Variants in ACVR1C observed in about 807,000 individuals in gnomAD.
The protein encoded by ACVR1C is activin receptor type-1C.
Under a neutral mutation model 57.9 loss-of-function variants are expected in ACVR1C, and 23 were observed. The ratio of observed to expected loss-of-function variants is 0.40; its 90% confidence interval spans 0.29 to 0.56. The LOEUF is 0.56. Among genes scored for constraint, ACVR1C ranks in the 20% least tolerant of loss-of-function variants. The pLI is 0.50. For synonymous variants in ACVR1C, 214 were observed against 215.3 expected (o/e 0.99, Z 0.05); for missense variants, 480 against 607.9 (o/e 0.79, Z 2.21).
intron 6 of ACVR1C, 71 bp from the exon 7 acceptor site, chr2:157,541,285 T>C: frequency 2.0e-6 from 3 of 1,475,640 alleles, no homozygotes; most frequent in Non-Finnish European, 2.7e-6. Context: ...TCTTAATAAA[T>C]TAAGATAGCT....
intron 6 of ACVR1C, among the ~76,000 whole-genome samples, chr2:157,542,211 T>C (rs1301962654): frequency 6.6e-6 from 1 of 152,124 alleles, no homozygotes; most frequent in African/African-American, 2.4e-5. Context: ...ATATAATATA[T>C]TTAAAGAATA....
chr2:157,535,147 A>G (rs1449688476), intron 8 of ACVR1C, among the ~76,000 whole-genome samples: 1 of 145,508 alleles, frequency 6.9e-6, no homozygotes, highest in East Asian at 1.9e-4. Context: ...TCTGTCCAAA[A>G]AAAAAAAAAA....
At chr2:157,595,164 T>C (rs1180578019) in intron 1 of ACVR1C, among the ~76,000 whole-genome samples, 1 of 152,190 alleles carries the variant, frequency 6.6e-6, no homozygotes, top group Non-Finnish European at 1.5e-5. Flanking sequence ...CACGACAAAA[T>C]TATTTGTGTG....
chr2:157,535,633 G>A (rs1412639403), intron 8 of ACVR1C, among the ~76,000 whole-genome samples: 1 of 152,048 alleles, frequency 6.6e-6, no homozygotes, highest in African/African-American at 2.4e-5. Flanking sequence ...TTTGAGACCA[G>A]CCTGGCCAAC....
intron 2 of ACVR1C, among the ~76,000 whole-genome samples, chr2:157,560,765 C>G (rs574847640): frequency 5.3e-5 from 8 of 152,298 alleles, no homozygotes; most frequent in African/African-American, 1.9e-4. Flanking sequence ...CTATTTCTCC[C>G]CAGTTTGCAA....
chr2:157,615,109 T>C (rs1447563940), intron 1 of ACVR1C, among the ~76,000 whole-genome samples: 1 of 152,122 alleles, frequency 6.6e-6, no homozygotes, highest in Non-Finnish European at 1.5e-5. Context: ...TAATTGAATA[T>C]TTTTATTCCA....
intron 8 of ACVR1C, among the ~76,000 whole-genome samples, chr2:157,534,822 T>C (rs372396284): frequency 1.3e-5 from 2 of 152,158 alleles, no homozygotes; most frequent in South Asian, 2.1e-4. Context: ...ATGGATCGCA[T>C]GTAATAGAGA....
intron 1 of ACVR1C, chr2:157,597,259 C>T (rs1682149450): frequency 7.4e-6 from 6 of 815,456 alleles, no homozygotes; most frequent in Non-Finnish European, 8.9e-6. Context: ...GGTTTGGTAA[C>T]ACTCACTGCC....
chr2:157,620,970 G>GA lies in ACVR1C; in HGVS notation c.73+7601dup, dbSNP rs1172010942. 4.6e-5 allele frequency among the ~76,000 whole-genome samples: 7 copies of GA among 152,256 alleles called. No homozygotes were observed. In the South Asian group the frequency reaches 1.5e-3, roughly 32 times the overall value. ...ATAACAACGACAAAATAGATTGGGA[G>GA]AAAATGTGTGTTTCACTTTCAAAAT... On this transcript the variant is annotated intron_variant, in intron 1 of 8. Coordinates refer to ENST00000243349, the MANE Select transcript of ACVR1C (RefSeq NM_145259.3).
intron 2 of ACVR1C, among the ~76,000 whole-genome samples, chr2:157,580,054 C>T (rs1688750989): frequency 6.6e-6 from 1 of 151,856 alleles, no homozygotes; most frequent in Non-Finnish European, 1.5e-5. Flanking sequence ...CCCCAACCCC[C>T]GTCTTGCAAT....
intron 2 of ACVR1C, among the ~76,000 whole-genome samples, chr2:157,560,413 G>T (rs774239535): frequency 6.6e-5 from 10 of 152,220 alleles, no homozygotes; most frequent in Non-Finnish European, 1.2e-4. Context: ...GATGAATCCT[G>T]AGTGGTAAAC....
rs548663940 is a variant in ACVR1C at position 157,533,331 on chromosome 2, G to C, written c.*587C>G. 6.6e-6 allele frequency: 1 copy of C among 152,470 alleles called. No homozygotes were observed. The highest frequency in any genetic ancestry group is 2.1e-4 in the South Asian group (1 of 4,818). The allele number at this position is 152,470 out of a possible 1,614,324, so 9.4% of individuals were successfully genotyped here. A position where few individuals can be genotyped will look rare whatever the true frequency, so the allele number is the denominator to read the frequency against. On this transcript the variant is annotated 3_prime_UTR_variant, in exon 9 of 9. Coordinates refer to ENST00000243349, the MANE Select transcript of ACVR1C (RefSeq NM_145259.3). The stretch of plus-strand genomic sequence containing the variant: ...TGCAGTAGTGGATTATGAAGAACAG[G>C]AGAACAGCAGAAGGGGAGACCAAGC...
intron 1 of ACVR1C, among the ~76,000 whole-genome samples, chr2:157,590,665 C>T (rs6437107): frequency 0.28 from 42,297 of 151,724 alleles, 6,187 homozygotes; most frequent in Non-Finnish European, 0.32. Flanking sequence ...TTATGTGATA[C>T]AGAAGAACCA....
intron 1 of ACVR1C, among the ~76,000 whole-genome samples, chr2:157,618,589 T>G (rs1384011365): frequency 6.6e-6 from 1 of 151,670 alleles, no homozygotes; most frequent in African/African-American, 2.4e-5. Flanking sequence ...GAGTTAAGCA[T>G]AAGAGAATGG....
At position 157,533,793 on chromosome 2, in the gene ACVR1C, G is replaced by T; in HGVS notation, c.*125C>A. ...GTTATCTTTTCATGCTGCCTTATGGGCACTTAAATACTGTACTGTCTTATC... is the reference window on the plus strand; with the variant it reads ...GTTATCTTTTCATGCTGCCTTATGGTCACTTAAATACTGTACTGTCTTATC... On this transcript the variant is annotated 3_prime_UTR_variant, in exon 9 of 9. Coordinates refer to ENST00000243349, the MANE Select transcript of ACVR1C (RefSeq NM_145259.3). The T allele has an allele frequency of 1.1e-6, 1 of 877,316 alleles. No individual in the cohort carries two copies. Among genetic ancestry groups the T allele is most frequent in the Non-Finnish European group, 1.6e-6 (1 of 642,066 alleles). 54.3% of individuals were successfully genotyped at this position (877,316 alleles called of 1,614,324 possible).
chr2:157,618,759 A>C (rs1285039508), intron 1 of ACVR1C, among the ~76,000 whole-genome samples: 3 of 151,820 alleles, frequency 2.0e-5, no homozygotes, highest in Non-Finnish European at 4.4e-5. Flanking sequence ...GCATATTACC[A>C]GTAATAAAGA....
chr2:157,565,439 A>C (rs1173994954), intron 2 of ACVR1C, among the ~76,000 whole-genome samples: 1 of 152,046 alleles, frequency 6.6e-6, no homozygotes, highest in Non-Finnish European at 1.5e-5. Context: ...ATCCAATTAC[A>C]AGTTAATTCG....
chr2:157,621,485 G>A (rs562044555), intron 1 of ACVR1C, among the ~76,000 whole-genome samples: 30 of 152,202 alleles, frequency 2.0e-4, no homozygotes, highest in African/African-American at 6.5e-4. Context: ...TGTATTGTTC[G>A]GGTTTCAGGG....
chr2:157,543,767 AT>A (rs1198274362), intron 5 of ACVR1C, among the ~76,000 whole-genome samples: 1 of 152,106 alleles, frequency 6.6e-6, no homozygotes, highest in African/African-American at 2.4e-5. Context: ...ATATACAAAT[AT>A]TTTTTTCAAA....
Sources: allele counts gnomAD v4.1 joint callset (sites outside exome capture counted in the v4.1 genomes callset), GRCh38; gene constraint gnomAD v4.1.1; transcripts MANE v1.5; gene names NCBI Gene and HGNC (gene_info 2026-07-23, HGNC 2026-07-21).